The following FKBP5 variants were observed in gnomAD, a reference collection of about 807,000 sequenced individuals.
The protein encoded by FKBP5 is peptidyl-prolyl cis-trans isomerase FKBP5.
In FKBP5, 23 loss-of-function variants were observed where a neutral mutation model predicts 50.5. That is an observed-to-expected ratio of 0.46 (90% CI 0.33 to 0.65). FKBP5 has a LOEUF of 0.65. Ranked by LOEUF, FKBP5 falls within the 30% of genes least tolerant of loss-of-function variation. The pLI is 0.02. For synonymous variants in FKBP5, 176 were observed against 190.6 expected (o/e 0.92, Z 0.63); for missense variants, 411 against 553.1 (o/e 0.74, Z 2.58).
chr6:35,577,445 G>C (rs915032954), intron 9 of FKBP5, among the ~76,000 whole-genome samples: 1 of 152,070 alleles, frequency 6.6e-6, no homozygotes, highest in Non-Finnish European at 1.5e-5. Context: ...ATTTGAGAGG[G>C]GGCTCTTGAG....
chr6:35,700,556 A>C (rs1303645982), intron 2 of FKBP5, among the ~76,000 whole-genome samples: 1 of 152,188 alleles, frequency 6.6e-6, no homozygotes, highest in Non-Finnish European at 1.5e-5. Context: ...AGAAGCTTTC[A>C]AAGGTATGGC....
chr6:35,597,207 T>C lies in FKBP5; in HGVS notation c.665+41A>G, dbSNP rs370566165. 145 of 1,607,272 alleles carry C rather than the reference T, an allele frequency of 9.0e-5. 1 individual carries two copies. Among genetic ancestry groups the C allele is most frequent in the Non-Finnish European group, 1.1e-4 (128 of 1,176,734 alleles). ...GAAAAAGCAAGCATATCCCTGTCCTTTAGGTGACTTCACTGTGTTCCAAAC... is the reference window on the plus strand; with the variant it reads ...GAAAAAGCAAGCATATCCCTGTCCTCTAGGTGACTTCACTGTGTTCCAAAC... On this transcript the variant is annotated intron_variant, in intron 6 of 10. Coordinates refer to ENST00000357266, the MANE Select transcript of FKBP5 (RefSeq NM_004117.4).
intron 1 of FKBP5, among the ~76,000 whole-genome samples, chr6:35,721,444 AC>A (rs1766609063): frequency 6.6e-6 from 1 of 151,420 alleles, no homozygotes; most frequent in Non-Finnish European, 1.5e-5. Flanking sequence ...ACACATATAC[AC>A]ACACCCCAAA....
At chr6:35,588,767 A>AT (rs758119749) in intron 7 of FKBP5, among the ~76,000 whole-genome samples, 1,883 of 135,700 alleles carry the variant, frequency 0.014, 37 homozygotes, top group East Asian at 0.048. Flanking sequence ...TGTCCAGCTA[A>AT]TTTTTTTTTT....
rs558343839 is a variant in FKBP5, at chr6:35,611,237, CTCT to C, written c.508+7856_508+7858del. Among the ~76,000 whole-genome samples the C allele has an allele frequency of 1.5e-4, 23 of 152,248 alleles. No homozygotes were observed. In the East Asian group the frequency reaches 2.5e-3, roughly 17 times the overall value. ...TCTCCTTTCCAGCACTATTATTGAT[CTCT>C]TCTTCTTCTTTTGAAAATCTTTGTT... On this transcript the variant is annotated intron_variant, in intron 5 of 10. Coordinates refer to ENST00000357266, the MANE Select transcript of FKBP5 (RefSeq NM_004117.4).
intron 4 of FKBP5, among the ~76,000 whole-genome samples, 174 bp downstream of exon 4, chr6:35,619,958 G>A (rs1050782169): frequency 1.3e-5 from 2 of 152,104 alleles, no homozygotes; most frequent in African/African-American, 4.8e-5. Flanking sequence ...AGAAAGCACT[G>A]GCACGCGCAC....
At chr6:35,610,099 G>C (rs963117006) in intron 5 of FKBP5, among the ~76,000 whole-genome samples, 4 of 152,134 alleles carry the variant, frequency 2.6e-5, no homozygotes, top group African/African-American at 9.7e-5. Context: ...TTCTGCAAAA[G>C]GATGGGCTGA....
intron 5 of FKBP5, among the ~76,000 whole-genome samples, chr6:35,601,754 C>A (rs1763150600): frequency 6.6e-6 from 1 of 152,052 alleles, no homozygotes; most frequent in African/African-American, 2.4e-5. Flanking sequence ...TCCCAACCAG[C>A]ATGATTTACG....
rs1238285598 is a variant in FKBP5, at chr6:35,577,114, G to A, written c.1146C>T (p.Pro382=). ...TCTGCAGTCTTGCAGCCTTATTCTG[G>A]GGGTTTACTTCCAGCACTTTCTCAA... ...GDFEKVLEVN[P]QNKAARLQIS... Residue 382 remains proline, a synonymous_variant, in exon 10 of 11, where the codon CCC becomes CCT. Transcript: ENST00000357266. The A allele has an allele frequency of 6.2e-7, 1 of 1,614,156 alleles. No individual in the cohort carries two copies. Among genetic ancestry groups the A allele is most frequent in the African/African-American group, 1.3e-5 (1 of 75,032 alleles).
chr6:35,611,406 AAAG>A (rs1352942765), intron 5 of FKBP5, among the ~76,000 whole-genome samples: 4 of 152,170 alleles, frequency 2.6e-5, no homozygotes, highest in African/African-American at 9.7e-5. Context: ...AATGTGGCTG[AAAG>A]TACTGAGAGG....
intron 3 of FKBP5, among the ~76,000 whole-genome samples, chr6:35,627,428 C>CA (rs1339836512): frequency 6.6e-6 from 1 of 152,124 alleles, no homozygotes; most frequent in Non-Finnish European, 1.5e-5. Flanking sequence ...CAGGTATGGC[C>CA]ACTGCAACTG....
chr6:35,583,938 T>C (rs1041554318), intron 8 of FKBP5: 2 of 985,264 alleles, frequency 2.0e-6, no homozygotes, highest in Non-Finnish European at 2.4e-6. Flanking sequence ...AGTTTAGAGG[T>C]TGAACAATTC....
chr6:35,656,978 G>A (rs1297322095), intron 1 of FKBP5, among the ~76,000 whole-genome samples: 1 of 151,606 alleles, frequency 6.6e-6, no homozygotes, highest in African/African-American at 2.4e-5. Context: ...TTGGGAGGCT[G>A]AGGTGGGTGG....
At chr6:35,684,519 T>C (rs1204807688) in intron 1 of FKBP5, among the ~76,000 whole-genome samples, 3 of 152,198 alleles carry the variant, frequency 2.0e-5, no homozygotes, top group African/African-American at 7.2e-5. Context: ...TAAGCCTTGA[T>C]TTTGATAACA....
At chr6:35,580,269 CA>C (rs764767416) in intron 8 of FKBP5, 48 bp from the exon 9 acceptor site, 10 of 1,477,128 alleles carry the variant, frequency 6.8e-6, no homozygotes, top group Non-Finnish European at 9.3e-6. Context: ...TGAGGGGGTA[CA>C]AAAGAAAAGC....
intron 7 of FKBP5, among the ~76,000 whole-genome samples, chr6:35,589,106 ATTTTTATATATATATATATATAT>A (rs1762719630): frequency 8.9e-6 from 1 of 112,364 alleles, no homozygotes; most frequent in African/African-American, 4.2e-5. Context: ...ATATATATAT[ATTTTTATATATATATATATATAT>A]TTTTTTTTTT....
chr6:35,656,895 CAAA>C (rs35579361), intron 1 of FKBP5, among the ~76,000 whole-genome samples: 3 of 111,016 alleles, frequency 2.7e-5, no homozygotes, highest in Non-Finnish European at 1.8e-5. Flanking sequence ...GACTCCGTCT[CAAA>C]AAAAAAAAAA....
chr6:35,670,292 T>C (rs75348654), intron 1 of FKBP5, among the ~76,000 whole-genome samples: 28 of 152,236 alleles, frequency 1.8e-4, no homozygotes, highest in African/African-American at 4.3e-4. Flanking sequence ...AAAAGAATGA[T>C]AGAATGAAAC....
chr6:35,644,697 T>C lies in FKBP5; in HGVS notation c.-19-1854A>G, dbSNP rs139035120. On this transcript the variant is annotated intron_variant, in intron 1 of 10. Transcript: ENST00000357266. ...GCTCTACATGAGGTGAGCTAGATAA[T>C]CAGGAAAATCAGAAGAACGGGATTG... 4.7e-4 allele frequency among the ~76,000 whole-genome samples: 72 copies of C among 152,240 alleles called. No individual in the cohort carries two copies. In the East Asian group the frequency reaches 0.013, roughly 27 times the overall value.
Sources: gnomAD v4.1 joint callset for allele counts (sites outside exome capture counted in the v4.1 genomes callset) on GRCh38, gnomAD v4.1.1 for gene constraint, MANE v1.5 for transcripts, NCBI Gene and HGNC (gene_info 2026-07-23, HGNC 2026-07-21) for gene names.